Variants in EAF2 observed in about 807,000 individuals in gnomAD.
EAF2 encodes ELL associated factor 2, also known as ELL-associated factor 2.
EAF2 carries 29 observed loss-of-function variants against 29.4 expected under a neutral mutation model. The observed-to-expected ratio is 0.99, with a 90% confidence interval of 0.73 to 1.35. The LOEUF is 1.35. Ranked by LOEUF, EAF2 falls within the 40% of genes most tolerant of loss-of-function variation. EAF2 has a pLI of 0.00. For synonymous variants in EAF2, 103 were observed against 102.5 expected (o/e 1.00, Z -0.03); for missense variants, 292 against 312.0 (o/e 0.94, Z 0.48).
chr3:121,884,602 T>G lies in EAF2; in HGVS notation c.737-1740T>G, dbSNP rs191266859. 1.3e-4 allele frequency among the ~76,000 whole-genome samples: 20 copies of G among 151,948 alleles called. No homozygotes were observed. In the East Asian group the frequency reaches 1.4e-3, roughly 11 times the overall value. ...GCCACCATGCCCAGCTAATTTTGTA[T>G]TTTTAGTAGAGACGGGGTTTCACCA... On this transcript the variant is annotated intron_variant, in intron 5 of 5. Transcript: ENST00000273668.
chr3:121,840,189 G>GAAAA (rs35521886), intron 1 of EAF2, among the ~76,000 whole-genome samples: 2 of 69,620 alleles, frequency 2.9e-5, no homozygotes, highest in Non-Finnish European at 2.5e-5. Context: ...ATTCTCTCAG[G>GAAAA]AAAAAAAAAA....
chr3:121,848,584 C>CT (rs34911559), intron 2 of EAF2, among the ~76,000 whole-genome samples: 54,906 of 150,914 alleles, frequency 0.36, 10,402 homozygotes, highest in African/African-American at 0.41. Flanking sequence ...GGCAGGATCA[C>CT]TTTTTTTTTA....
At chr3:121,839,917 G>C (rs1467412994) in intron 1 of EAF2, among the ~76,000 whole-genome samples, 4 of 152,142 alleles carry the variant, frequency 2.6e-5, no homozygotes, top group Non-Finnish European at 5.9e-5. Context: ...TAATAGGTCG[G>C]GCACCGTGCC....
intron 1 of EAF2, among the ~76,000 whole-genome samples, chr3:121,841,462 G>C (rs993220222): frequency 7.6e-6 from 1 of 131,792 alleles, no homozygotes; most frequent in Non-Finnish European, 1.6e-5. Flanking sequence ...CCGAAATCGC[G>C]CCACTGTACT....
intron 1 of EAF2, chr3:121,837,464 C>T (rs934653259): frequency 1.1e-4 from 16 of 152,244 alleles, no homozygotes; most frequent in African/African-American, 3.9e-4. Context: ...CAGGCAAACC[C>T]GGATGTGAAT....
At chr3:121,879,528 A>G (rs1430856757) in intron 5 of EAF2, among the ~76,000 whole-genome samples, 1 of 151,866 alleles carries the variant, frequency 6.6e-6, no homozygotes, top group African/African-American at 2.4e-5. Context: ...CAGGTCTTAG[A>G]ATTGAGTCTT....
chr3:121,837,002 T>C (rs1708311603), intron 1 of EAF2, among the ~76,000 whole-genome samples: 1 of 152,178 alleles, frequency 6.6e-6, no homozygotes. Flanking sequence ...AAAATGCCAG[T>C]ATCTTGAAAG....
intron 5 of EAF2, chr3:121,873,182 C>G (rs1318627303): frequency 5.0e-6 from 3 of 600,298 alleles, no homozygotes; most frequent in Non-Finnish European, 8.8e-6. Flanking sequence ...ATCTCTGATT[C>G]AAACCTCTAG....
At chr3:121,840,148 C>T (rs1322130526) in intron 1 of EAF2, among the ~76,000 whole-genome samples, 4 of 146,746 alleles carry the variant, frequency 2.7e-5, no homozygotes, top group African/African-American at 5.1e-5. Context: ...CGAGATCGCG[C>T]CGCTGCCTCC....
chr3:121,853,254 C>A (rs1327281186), intron 2 of EAF2, among the ~76,000 whole-genome samples: 1 of 152,072 alleles, frequency 6.6e-6, no homozygotes, highest in East Asian at 1.9e-4. Flanking sequence ...ATACTTCGTC[C>A]ATAGTCACAA....
chr3:121,876,959 G>T (rs560117071), intron 5 of EAF2, among the ~76,000 whole-genome samples: 1 of 151,484 alleles, frequency 6.6e-6, no homozygotes, highest in Non-Finnish European at 1.5e-5. Context: ...TTTTTAAAAC[G>T]CCATATGCTG....
At chr3:121,869,549 T>C (rs1482989390) in intron 4 of EAF2, among the ~76,000 whole-genome samples, 1 of 152,056 alleles carries the variant, frequency 6.6e-6, no homozygotes, top group African/African-American at 2.4e-5. Context: ...AGTAATGAAT[T>C]TACTATAGAT....
rs371684639 is a variant in EAF2 at position 121,857,106 on chromosome 3, C to A, written c.434C>A (p.Pro145Gln). The change falls in exon 4 of 6, where the codon CCA becomes CAA. Residue 145 changes from proline to glutamine, a missense_variant. Pro to Gln is a moderately conservative substitution (Grantham distance 76, BLOSUM62 -1). Transcript: ENST00000273668. The part of the protein sequence containing the change: ...ARTPNLVKHS[P>Q]SEDKMSPASP... ...ACTCCCAATCTTGTAAAACATTCTC[C>A]ATCTGAAGATAAGATGTCCCCAGCA... is the stretch of plus-strand genomic sequence containing the variant. 33 of 1,613,642 alleles carry A rather than the reference C, an allele frequency of 2.0e-5. No homozygotes were observed. In the African/African-American group the frequency reaches 4.3e-4, roughly 21 times the overall value.
At chr3:121,840,546 C>A (rs1045469125) in intron 1 of EAF2, among the ~76,000 whole-genome samples, 4 of 142,046 alleles carry the variant, frequency 2.8e-5, no homozygotes, top group African/African-American at 1.0e-4. Context: ...TGGCTCACGC[C>A]TGTAATCCCA....
At chr3:121,843,146 A>G (rs1708464131) in intron 1 of EAF2, among the ~76,000 whole-genome samples, 1 of 152,172 alleles carries the variant, frequency 6.6e-6, no homozygotes, top group African/African-American at 2.4e-5. Flanking sequence ...AATGGATTTC[A>G]TTTATTTCAG....
At chr3:121,872,470 C>T in intron 4 of EAF2, 67 bp from the exon 5 acceptor site, 1 of 1,221,666 alleles carries the variant, frequency 8.2e-7, no homozygotes, top group Non-Finnish European at 1.1e-6. Flanking sequence ...CTAATACATT[C>T]AATTTTTATT....
intron 4 of EAF2, among the ~76,000 whole-genome samples, chr3:121,862,748 A>G (rs1236623868): frequency 6.6e-6 from 1 of 152,150 alleles, no homozygotes; most frequent in Non-Finnish European, 1.5e-5. Flanking sequence ...GGAGGAGAAG[A>G]GGCACTCTGA....
At chr3:121,877,875 G>A (rs12695417) in intron 5 of EAF2, among the ~76,000 whole-genome samples, 130,151 of 152,056 alleles carry the variant, frequency 0.86, 56,073 homozygotes, top group East Asian at 0.92. Context: ...TCGAACTCAG[G>A]GGCTCAAGTG....
intron 4 of EAF2, 94 bp from the exon 5 acceptor site, chr3:121,872,443 C>T: frequency 1.0e-6 from 1 of 1,001,310 alleles, no homozygotes; most frequent in Non-Finnish European, 1.4e-6. Context: ...ATTTTAGTTT[C>T]AACAGTTTCT....
Sources: allele counts gnomAD v4.1 joint callset (sites outside exome capture counted in the v4.1 genomes callset), GRCh38; gene constraint gnomAD v4.1.1; transcripts MANE v1.5; gene names NCBI Gene and HGNC (gene_info 2026-07-23, HGNC 2026-07-21).